The following FAM168B variants were observed in gnomAD, a reference collection of about 807,000 sequenced individuals.
FAM168B encodes family with sequence similarity 168 member B.
In FAM168B, 19 loss-of-function variants were observed where a neutral mutation model predicts 21.8. The observed-to-expected ratio is 0.87, with a 90% confidence interval of 0.61 to 1.28. FAM168B has a LOEUF of 1.28. Ranked by LOEUF, FAM168B falls within the 50% of genes most tolerant of loss-of-function variation. The pLI is 0.00. For synonymous variants in FAM168B, 126 were observed against 104.8 expected (o/e 1.20, Z -1.24); for missense variants, 233 against 263.1 (o/e 0.89, Z 0.79).
chr2:131,072,626 T>A (rs139308414), intron 2 of FAM168B, among the ~76,000 whole-genome samples: 3,018 of 151,838 alleles, frequency 0.02, 105 homozygotes, highest in African/African-American at 0.069. Flanking sequence ...GCCCAGCTAA[T>A]TTTTGTATTT....
Position 131,049,444 on chromosome 2 carries a change from TA to T in FAM168B, c.*3020del. ...CTTAACAGATGGCTCACGAGAGACATAAAAGGTTCTGGAAGTGCCTTCAGGC... is the reference window on the plus strand; with the variant it reads ...CTTAACAGATGGCTCACGAGAGACATAAAGGTTCTGGAAGTGCCTTCAGGC... On this transcript the variant is annotated 3_prime_UTR_variant, in exon 7 of 7. Transcript: ENST00000389915. 1.0e-6 allele frequency: 1 copy of T among 985,204 alleles called. No homozygotes were observed. Among genetic ancestry groups the T allele is most frequent in the Admixed American group, 6.1e-5 (1 of 16,276 alleles). 61.0% of individuals were successfully genotyped at this position (985,204 alleles called of 1,614,324 possible). A position where few individuals can be genotyped will look rare whatever the true frequency, so the allele number is the denominator to read the frequency against.
chr2:131,088,424 G>A (rs1051726604), intron 1 of FAM168B, among the ~76,000 whole-genome samples: 1 of 152,010 alleles, frequency 6.6e-6, no homozygotes, highest in Admixed American at 6.6e-5. Context: ...GGGGAAAAGG[G>A]GGCGGGAGAG....
At chr2:131,064,693 C>T (rs567584139) in intron 3 of FAM168B, among the ~76,000 whole-genome samples, 34 of 151,996 alleles carry the variant, frequency 2.2e-4, no homozygotes, top group Middle Eastern at 3.4e-3. Flanking sequence ...CCAGAGTAAA[C>T]GAGGAAAAAA....
At chr2:131,058,391 G>A (rs1283333561) in intron 3 of FAM168B, among the ~76,000 whole-genome samples, 1 of 152,018 alleles carries the variant, frequency 6.6e-6, no homozygotes, top group Non-Finnish European at 1.5e-5. Context: ...AGGTGCTGTG[G>A]CTGAGATCTG....
At chr2:131,073,370 G>T (rs772185863) in intron 2 of FAM168B, among the ~76,000 whole-genome samples, 1 of 152,122 alleles carries the variant, frequency 6.6e-6, no homozygotes, top group Non-Finnish European at 1.5e-5. Context: ...GGGTATTACC[G>T]GCATGAGTTA....
intron 1 of FAM168B, among the ~76,000 whole-genome samples, chr2:131,084,973 C>G (rs951321985): frequency 2.6e-5 from 4 of 152,134 alleles, no homozygotes; most frequent in African/African-American, 9.7e-5. Context: ...CCTTGGCCTC[C>G]TAAAATGCAG....
At chr2:131,066,399 TCTC>T (rs1181220954) in intron 3 of FAM168B, among the ~76,000 whole-genome samples, 3 of 152,104 alleles carry the variant, frequency 2.0e-5, no homozygotes, top group Non-Finnish European at 4.4e-5. Flanking sequence ...ATGGTCTCGA[TCTC>T]CTGACCTCGT....
At chr2:131,068,522 T>C (rs554374354) in intron 3 of FAM168B, among the ~76,000 whole-genome samples, 28 of 152,294 alleles carry the variant, frequency 1.8e-4, no homozygotes, top group African/African-American at 6.7e-4. Context: ...GATCTGGCAC[T>C]GGTGAGCCAG....
rs1691709998 is a variant in FAM168B at position 131,052,022 on chromosome 2, ATAACTG to A, written c.*437_*442del. On this transcript the variant is annotated 3_prime_UTR_variant, in exon 7 of 7. Coordinates refer to ENST00000389915, the MANE Select transcript of FAM168B (RefSeq NM_001009993.4). The stretch of plus-strand genomic sequence containing the variant: ...TATGAAGAAATTCACTTTAACACTT[ATAACTG>A]TAAGACTTTGCATACATTACAACAG... 6.1e-6 allele frequency: 6 copies of A among 985,600 alleles called. No homozygotes were observed. The highest frequency in any genetic ancestry group is 6.1e-5 in the Admixed American group (1 of 16,274). 61.1% of individuals were successfully genotyped at this position (985,600 alleles called of 1,614,324 possible). A position where few individuals can be genotyped will look rare whatever the true frequency, so the allele number is the denominator to read the frequency against.
chr2:131,061,240 A>G (rs1692280445), intron 3 of FAM168B, among the ~76,000 whole-genome samples: 1 of 147,598 alleles, frequency 6.8e-6, no homozygotes, highest in Non-Finnish European at 1.5e-5. Context: ...AGATCACATG[A>G]GCCCAGGAGT....
At chr2:131,057,108 TCA>T (rs565493908) in intron 3 of FAM168B, among the ~76,000 whole-genome samples, 94 of 152,244 alleles carry the variant, frequency 6.2e-4, no homozygotes, top group Non-Finnish European at 1.1e-3. Context: ...GGTGGAGCAC[TCA>T]CACACTGTCC....
chr2:131,090,058 G>A (rs1472698697), intron 1 of FAM168B, among the ~76,000 whole-genome samples: 5 of 145,284 alleles, frequency 3.4e-5, no homozygotes, highest in African/African-American at 1.0e-4. Context: ...AGTGGCTCAC[G>A]CCTGTAATCC....
At position 131,048,065 on chromosome 2, in the gene FAM168B, G is replaced by A. The variant is rs1243792137; in HGVS notation, c.*4400C>T. 1.5e-5 allele frequency: 9 copies of A among 610,300 alleles called. No homozygotes were observed. The highest frequency in any genetic ancestry group is 7.8e-5 in the African/African-American group (4 of 51,580). The allele number at this position is 610,300 out of a possible 1,614,324, so 37.8% of individuals were successfully genotyped here. A position where few individuals can be genotyped will look rare whatever the true frequency, so the allele number is the denominator to read the frequency against. On this transcript the variant is annotated 3_prime_UTR_variant, in exon 7 of 7. Transcript: ENST00000389915. ...AAATTCCATTCCTTGGCATGGATAC[G>A]TAAGTTCAATGCAGAGGTGAGGGAT...
In FAM168B at chr2:131,051,773, T is replaced by TG. The variant is rs1691691408; in HGVS notation, c.*691dup. The TG allele has an allele frequency of 2.0e-6, 2 of 985,326 alleles. No homozygotes were observed. The highest frequency in any genetic ancestry group is 4.7e-5 in the South Asian group (1 of 21,292). 61.0% of individuals were successfully genotyped at this position (985,326 alleles called of 1,614,324 possible). ...TCATGATGAGCTTTAAGCATGTCCC[T>TG]GTTCCACTGACTCCACCAAGCCTAA... On this transcript the variant is annotated 3_prime_UTR_variant, in exon 7 of 7. Coordinates refer to ENST00000389915, the MANE Select transcript of FAM168B (RefSeq NM_001009993.4).
intron 1 of FAM168B, among the ~76,000 whole-genome samples, chr2:131,088,482 CA>C (rs1031899968): frequency 7.9e-5 from 12 of 152,152 alleles, no homozygotes; most frequent in Admixed American, 7.2e-4. Context: ...GACATAAAAG[CA>C]ATAGCTGAAT....
chr2:131,054,516 G>A (rs949977400), intron 5 of FAM168B, among the ~76,000 whole-genome samples: 8 of 152,134 alleles, frequency 5.3e-5, no homozygotes, highest in South Asian at 2.1e-4. Flanking sequence ...ATAATAACCC[G>A]GAATGCTTTT....
chr2:131,068,908 C>A (rs1211351752), intron 3 of FAM168B, among the ~76,000 whole-genome samples: 1 of 152,108 alleles, frequency 6.6e-6, no homozygotes, highest in Admixed American at 6.6e-5. Flanking sequence ...CCCAGCTACT[C>A]GGGAGGCTGA....
chr2:131,060,883 G>C (rs987055559), intron 3 of FAM168B, among the ~76,000 whole-genome samples: 3 of 151,574 alleles, frequency 2.0e-5, no homozygotes, highest in Non-Finnish European at 1.5e-5. Flanking sequence ...ACGGAGTCTC[G>C]CTCAGTTGCC....
intron 2 of FAM168B, among the ~76,000 whole-genome samples, chr2:131,079,260 G>A (rs2105555978): frequency 1.3e-5 from 2 of 152,212 alleles, no homozygotes; most frequent in South Asian, 4.1e-4. Flanking sequence ...CTGAGGTCAG[G>A]AGTTTAAGAC....
Sources: gnomAD v4.1 joint callset for allele counts (sites outside exome capture counted in the v4.1 genomes callset) on GRCh38, gnomAD v4.1.1 for gene constraint, MANE v1.5 for transcripts, NCBI Gene and HGNC (gene_info 2026-07-23, HGNC 2026-07-21) for gene names.